The following MUC4 variants were observed in gnomAD, a reference collection of about 807,000 sequenced individuals.
MUC4 encodes mucin 4, cell surface associated, also known as mucin-4.
MUC4 carries 202 observed loss-of-function variants against 257.9 expected under a neutral mutation model. That is an observed-to-expected ratio of 0.78 (90% CI 0.70 to 0.88). The LOEUF is 0.88. Ranked by LOEUF, MUC4 falls within the 40% of genes least tolerant of loss-of-function variation. The pLI, the probability that MUC4 is intolerant of heterozygous loss-of-function variation, is 0.00. For missense variants in MUC4, 5,976 were observed against 6,513.7 expected (o/e 0.92, Z 2.84); for synonymous variants, 2,351 against 2,757.1 (o/e 0.85, Z 4.62).
At chr3:195,806,008 CGGGGGGCTG>C in intron 1 of MUC4, among the ~76,000 whole-genome samples, 1 of 151,946 alleles carries the variant, frequency 6.6e-6, no homozygotes, top group South Asian at 2.1e-4. Context: ...CCCAGCTACT[CGGGGGGCTG>C]AGGCACGAGA....
chr3:195,760,737 C>A (rs1718707560), intron 16 of MUC4, 147 bp downstream of exon 16: 2 of 689,664 alleles, frequency 2.9e-6, no homozygotes, highest in Non-Finnish European at 5.0e-6. Flanking sequence ...CCAGGGAAGT[C>A]TCTGAAGGGT....
Position 195,790,558 on chromosome 3 carries a change from A to C in MUC4, c.1022T>G (p.Leu341Arg). The change falls in exon 2 of 25, where the codon CTC becomes CGC. Residue 341 changes from leucine to arginine, a missense_variant. Transcript: ENST00000463781. ...ETTRVSQINT[L>R]NTLTPVTTST... Reference sequence around the variant, plus strand: ...TGTTGTAACCGGTGTGAGGGTGTTGAGGGTGTTGATTTGAGATACTCTGGT... The same window carrying C: ...TGTTGTAACCGGTGTGAGGGTGTTGCGGGTGTTGATTTGAGATACTCTGGT... The C allele has an allele frequency of 6.2e-7, 1 of 1,613,944 alleles. No individual in the cohort carries two copies. The highest frequency in any genetic ancestry group is 8.5e-7 in the Non-Finnish European group (1 of 1,179,884).
chr3:195,776,031 C>A (rs1375461888), intron 3 of MUC4, among the ~76,000 whole-genome samples: 5 of 40,586 alleles, frequency 1.2e-4, no homozygotes, highest in African/African-American at 7.8e-4. Flanking sequence ...ACATCCATAC[C>A]TTCCACGGCC....
intron 5 of MUC4, among the ~76,000 whole-genome samples, chr3:195,771,122 G>A (rs113267591): frequency 6.7e-6 from 1 of 149,640 alleles, no homozygotes; most frequent in Admixed American, 6.7e-5. Context: ...GCCGGGTTGG[G>A]GTATTCCTGG....
chr3:195,752,067 A>C, intron 21 of MUC4: 2 of 385,572 alleles, frequency 5.2e-6, no homozygotes, highest in Non-Finnish European at 9.4e-6. Flanking sequence ...CCCTCTGGGA[A>C]GTCAGGGAAG....
In MUC4 at chr3:195,761,507, A is replaced by G. The variant is rs953603283; in HGVS notation, c.14591T>C (p.Met4864Thr). ...STIPPGSPEE[M>T]LFHFGMTWQI... Reference sequence around the variant, plus strand: ...ACAGGTCATTCCAAAGTGGAAAAGCATCTCCTCAGGGCTCCCTGGGGGAAT... The same window carrying G: ...ACAGGTCATTCCAAAGTGGAAAAGCGTCTCCTCAGGGCTCCCTGGGGGAAT... The change falls in exon 15 of 25, where the codon ATG becomes ACG. Residue 4864 changes from methionine to threonine, a missense_variant. Transcript: ENST00000463781. 1.9e-6 allele frequency: 3 copies of G among 1,614,072 alleles called. No individual in the cohort carries two copies. The highest frequency in any genetic ancestry group is 1.7e-5 in the Admixed American group (1 of 60,024).
At chr3:195,774,667 T>C (rs1723934995) in intron 3 of MUC4, among the ~76,000 whole-genome samples, 1 of 152,074 alleles carries the variant, frequency 6.6e-6, no homozygotes, top group African/African-American at 2.4e-5. Flanking sequence ...TTTGGGAGGC[T>C]GAGGCGGGAG....
intron 1 of MUC4, among the ~76,000 whole-genome samples, chr3:195,792,005 T>TA (rs1733922434): frequency 6.6e-6 from 1 of 152,198 alleles, no homozygotes; most frequent in Admixed American, 6.5e-5. Context: ...GTTAAAGACT[T>TA]ACATGTAAAA....
In MUC4 at chr3:195,755,042, G is replaced by A. The variant is rs1367786554; in HGVS notation, c.15169-670C>T. ...GGATTCCTTATTTATTTTGAGACAG[G>A]GTCCCACTCGGTTGCCCAGGCTGGA... On this transcript the variant is annotated intron_variant, in intron 18 of 24. Transcript: ENST00000463781. The surrounding 1 kb of genome is among the most constrained non-coding windows in gnomAD (Gnocchi z 5.0). 6.6e-6 allele frequency among the ~76,000 whole-genome samples: 1 copy of A among 151,604 alleles called. No individual in the cohort carries two copies. The highest frequency in any genetic ancestry group is 1.5e-5 in the Non-Finnish European group (1 of 67,934).
chr3:195,767,900 A>ACTG (rs1721852190), intron 7 of MUC4, among the ~76,000 whole-genome samples: 1 of 132,358 alleles, frequency 7.6e-6, no homozygotes, highest in African/African-American at 3.9e-5. Context: ...CACCACCATC[A>ACTG]CCACCATCAC....
At chr3:195,806,857 A>G (rs1345698135) in intron 1 of MUC4, among the ~76,000 whole-genome samples, 1 of 152,258 alleles carries the variant, frequency 6.6e-6, no homozygotes, top group South Asian at 2.1e-4. Context: ...AGCAGCTGGC[A>G]TGAGTAGAAA....
chr3:195,766,203 C>T (rs946549549), intron 8 of MUC4, among the ~76,000 whole-genome samples: 3 of 152,094 alleles, frequency 2.0e-5, no homozygotes, highest in Non-Finnish European at 2.9e-5. Context: ...TCAAGTGATC[C>T]GCCCACCTCA....
Position 195,765,337 on chromosome 3 carries a change from G to A in MUC4, c.13731C>T (p.Asn4577=). 1 of 1,613,814 alleles carries A rather than the reference G, an allele frequency of 6.2e-7. No individual in the cohort carries two copies. Among genetic ancestry groups the A allele is most frequent in the Non-Finnish European group, 8.5e-7 (1 of 1,180,016 alleles). The change falls in exon 9 of 25, where the codon AAC becomes AAT. Residue 4577 remains asparagine, a synonymous_variant. Transcript: ENST00000463781. Reference sequence around the variant, plus strand: ...GCCAGGAACAAGGGCAGGAGACCTGGTTCCAGCCCCAGCTGGGCCACCGAG... The same window carrying A: ...GCCAGGAACAAGGGCAGGAGACCTGATTCCAGCCCCAGCTGGGCCACCGAG... The part of the protein sequence containing the change: ...SQPRWPSWGW[N]QVSCPCSWQQ...
At chr3:195,802,383 G>GCAACCCTGCTCTCAGCCTCCACCA (rs1735443962) in intron 1 of MUC4, among the ~76,000 whole-genome samples, 3 of 150,194 alleles carry the variant, frequency 2.0e-5, no homozygotes, top group Non-Finnish European at 1.5e-5. Flanking sequence ...CTCGGGTTCC[G>GCAACCCTGCTCTCAGCCTCCACCA]CACCCCTGCT....
rs1179736020 is a variant in MUC4 at position 195,790,730 on chromosome 3, G to C, written c.850C>G (p.Pro284Ala). 2 of 1,613,830 alleles carry C rather than the reference G, an allele frequency of 1.2e-6. No homozygotes were observed. The highest frequency in any genetic ancestry group is 1.7e-6 in the Non-Finnish European group (2 of 1,179,894). Residue 284 changes from proline (P) to alanine (A), a missense_variant, in exon 2 of 25, where the codon CCT becomes GCT. Around this residue, in one of 44 missense-constraint regions of MUC4, gnomAD observed 1,583 missense variants for 1,257.4 expected, o/e 1.26. Transcript: ENST00000463781. ...ACTGGCATAAGACTTCCAGTAACAGGTACTGATGATGTCTCCCCTGGGTTT... is the reference window on the plus strand; with the variant it reads ...ACTGGCATAAGACTTCCAGTAACAGCTACTGATGATGTCTCCCCTGGGTTT... ...LGNPGETSSVPVTGSLMPVTS... is the reference protein window; with the variant it reads ...LGNPGETSSVAVTGSLMPVTS...
rs2148810366 is a variant in MUC4, at chr3:195,762,899, T to C, written c.14300A>G (p.Asp4767Gly). The C allele has an allele frequency of 6.4e-7, 1 of 1,574,622 alleles. No homozygotes were observed. The highest frequency in any genetic ancestry group is 2.4e-5 in the East Asian group (1 of 42,212). The change falls in exon 13 of 25, where the codon GAT (aspartate) becomes GGT (glycine). Residue 4767 changes from aspartate (D) to glycine (G), a missense_variant. Transcript: ENST00000463781. The stretch of plus-strand genomic sequence containing the variant: ...AGGCTGAAATGTCACAGTCTGGTTA[T>C]CCAGCAGGACACGGATTGCGTCGTG... ...EPHDAIRVLL[D>G]NQTVTFQPDH...
chr3:195,772,414 C>T (rs568392217), intron 4 of MUC4, among the ~76,000 whole-genome samples: 21 of 135,030 alleles, frequency 1.6e-4, no homozygotes, highest in African/African-American at 6.1e-4. Flanking sequence ...CTCCCTTCAT[C>T]GCTCAGGGGT....
chr3:195,754,198 C>G lies in MUC4; in HGVS notation c.15328+15G>C, dbSNP rs758884203. 5.0e-6 allele frequency: 8 copies of G among 1,604,576 alleles called. No individual in the cohort carries two copies. In the East Asian group the frequency reaches 1.8e-4, roughly 36 times the overall value. Reference sequence around the variant, plus strand: ...CTCCCAGAAGCGCCTGCTCCAGGCCCTGTTCCCGGCTCACCCGCACAGTGC... The same window carrying G: ...CTCCCAGAAGCGCCTGCTCCAGGCCGTGTTCCCGGCTCACCCGCACAGTGC... On this transcript the variant is annotated intron_variant, in intron 19 of 24. Transcript: ENST00000463781.
chr3:195,789,282 T>C lies in MUC4; in HGVS notation c.2298A>G (p.Thr766=). The C allele has an allele frequency of 6.2e-7, 1 of 1,613,912 alleles. No individual in the cohort carries two copies. The highest frequency in any genetic ancestry group is 1.7e-5 in the Admixed American group (1 of 60,010). Residue 766 remains threonine (T), a synonymous_variant, in exon 2 of 25, where the codon ACA becomes ACG. Transcript: ENST00000463781. ...GGTGGGTATGGGTCATGGCTGCTGCTGTGTCAGGTGAGGTGCTGGCAGAGG... is the reference window on the plus strand; with the variant it reads ...GGTGGGTATGGGTCATGGCTGCTGCCGTGTCAGGTGAGGTGCTGGCAGAGG... ...TSASASTSPD[T]AAAMTHTHQA...
Sources: gnomAD v4.1 joint callset for allele counts (sites outside exome capture counted in the v4.1 genomes callset) on GRCh38, gnomAD v4.1.1 for gene constraint, gnomAD v4.1.1 regional missense constraint, Gnocchi (gnomAD v3.1) non-coding constraint, MANE v1.5 for transcripts, NCBI Gene and HGNC (gene_info 2026-07-23, HGNC 2026-07-21) for gene names.